Variants in DLG2 observed in about 807,000 individuals in gnomAD.
DLG2 encodes disks large homolog 2.
Under a neutral mutation model 132.5 loss-of-function variants are expected in DLG2, and 45 were observed. The ratio of observed to expected loss-of-function variants is 0.34; its 90% CI spans 0.27 to 0.44. DLG2 has a LOEUF of 0.44. DLG2 is among the 20% of genes least tolerant of loss of function. DLG2 has a pLI of 1.00. For missense variants in DLG2, 1,045 were observed against 1,196.9 expected, an observed-to-expected ratio of 0.87 and a Z score of 1.87; for synonymous variants, 424 against 419.6, an observed-to-expected ratio of 1.01 and a Z score of -0.13.
chr11:83,781,576 A>T (rs2153869850), intron 18 of DLG2, among the ~76,000 whole-genome samples: 1 of 152,256 alleles, frequency 6.6e-6, no homozygotes, highest in Non-Finnish European at 1.5e-5. Context: ...TATCTACCGA[A>T]GTTCCTCATC....
intron 3 of DLG2, among the ~76,000 whole-genome samples, chr11:85,547,493 C>T (rs555731410): frequency 2.6e-5 from 4 of 152,246 alleles, no homozygotes; most frequent in South Asian, 4.1e-4. Context: ...AGTATCTTTG[C>T]GGTGTTCTCT....
At chr11:84,216,008 C>G (rs1285311625) in intron 8 of DLG2, among the ~76,000 whole-genome samples, 1 of 152,106 alleles carries the variant, frequency 6.6e-6, no homozygotes, top group East Asian at 1.9e-4. Flanking sequence ...TAAAAAATAG[C>G]CATTAATTAT....
At chr11:85,293,274 C>T (rs1326935930) in intron 3 of DLG2, among the ~76,000 whole-genome samples, 1 of 151,986 alleles carries the variant, frequency 6.6e-6, no homozygotes, top group African/African-American at 2.4e-5. Context: ...CCAATTAGAA[C>T]AAAATGGGCC....
intron 18 of DLG2, among the ~76,000 whole-genome samples, chr11:83,716,139 C>CA (rs1230025207): frequency 1.3e-5 from 2 of 152,218 alleles, no homozygotes; most frequent in East Asian, 1.9e-4. Flanking sequence ...TTTAAAACTC[C>CA]ATGAGAGTCC....
chr11:84,149,049 C>T (rs2095197758), intron 9 of DLG2, among the ~76,000 whole-genome samples: 1 of 152,016 alleles, frequency 6.6e-6, no homozygotes, highest in African/African-American at 2.4e-5. Context: ...ATACTTTGCC[C>T]ACATTTTAGT....
chr11:84,914,740 T>C (rs1244356366), intron 6 of DLG2, among the ~76,000 whole-genome samples: 1 of 152,216 alleles, frequency 6.6e-6, no homozygotes, highest in African/African-American at 2.4e-5. Context: ...GCATTTATTG[T>C]GGTTTCACCA....
intron 7 of DLG2, among the ~76,000 whole-genome samples, chr11:84,405,744 T>A (rs547052008): frequency 2.6e-4 from 40 of 152,218 alleles, no homozygotes; most frequent in African/African-American, 9.6e-4. Context: ...AGAAGGGGAC[T>A]AGGAATGTGG....
chr11:85,371,154 A>G (rs528514305), intron 3 of DLG2, among the ~76,000 whole-genome samples: 60 of 152,310 alleles, frequency 3.9e-4, no homozygotes, highest in African/African-American at 1.4e-3. Flanking sequence ...AACTTTGGAT[A>G]TTGTGACATT....
intron 6 of DLG2, among the ~76,000 whole-genome samples, chr11:84,812,502 T>C (rs887535855): frequency 6.6e-6 from 1 of 152,136 alleles, no homozygotes. Flanking sequence ...AATGCTCAAA[T>C]TAGTTATGCA....
Position 85,160,475 on chromosome 11 carries a change from C to T in DLG2, c.187-5824G>A, listed in dbSNP as rs2077940692. ...CTCCTTTTGAGAAACAGCTCTTGGC[C>T]TGTTATTGGGCTTTAGTGGAAACTG... On this transcript the variant is annotated intron_variant, in intron 4 of 27. Transcript: ENST00000376104. Among the ~76,000 whole-genome samples, 3 of 152,156 alleles carry T rather than the reference C, an allele frequency of 2.0e-5. No homozygotes were observed. In the South Asian group the frequency reaches 6.2e-4, roughly 32 times the overall value.
chr11:84,207,904 A>G (rs1365857288), intron 8 of DLG2, among the ~76,000 whole-genome samples: 1 of 152,226 alleles, frequency 6.6e-6, no homozygotes, highest in Non-Finnish European at 1.5e-5. Context: ...TGAATATACA[A>G]AACAATTTTC....
intron 3 of DLG2, among the ~76,000 whole-genome samples, chr11:85,315,115 A>G (rs2080568492): frequency 6.6e-6 from 1 of 151,998 alleles, no homozygotes; most frequent in African/African-American, 2.4e-5. Context: ...GTCATAAAAT[A>G]AGATTCCAGC....
intron 4 of DLG2, among the ~76,000 whole-genome samples, chr11:85,191,971 G>T (rs752054612): frequency 2.6e-5 from 4 of 152,036 alleles, no homozygotes; most frequent in Non-Finnish European, 5.9e-5. Context: ...AATACCCTAT[G>T]AAAAATGTAT....
chr11:84,338,584 G>A (rs1041950887), intron 7 of DLG2, among the ~76,000 whole-genome samples: 1 of 152,086 alleles, frequency 6.6e-6, no homozygotes, highest in African/African-American at 2.4e-5. Flanking sequence ...CAGCACTTTG[G>A]GAGGCCAAGG....
At chr11:85,115,413 C>T (rs915060954) in intron 5 of DLG2, among the ~76,000 whole-genome samples, 4 of 151,792 alleles carry the variant, frequency 2.6e-5, no homozygotes, top group Non-Finnish European at 5.9e-5. Context: ...AAGGATATAT[C>T]AAGAGTCAGT....
chr11:83,970,643 A>C (rs1223662796), intron 12 of DLG2, among the ~76,000 whole-genome samples: 1 of 152,190 alleles, frequency 6.6e-6, no homozygotes, highest in Non-Finnish European at 1.5e-5. Context: ...TGTAAGCTTT[A>C]GTTTTGACAT....
chr11:85,388,704 G>C (rs1000754539), intron 3 of DLG2, among the ~76,000 whole-genome samples: 1 of 152,152 alleles, frequency 6.6e-6, no homozygotes, highest in Non-Finnish European at 1.5e-5. Context: ...GTACCAGCCA[G>C]AAGCCTGGTA....
chr11:84,696,171 A>C (rs17147508), intron 6 of DLG2, among the ~76,000 whole-genome samples: 18,218 of 151,562 alleles, frequency 0.12, 1,433 homozygotes, highest in African/African-American at 0.21. Context: ...ATACGCAAGA[A>C]AACATAGGGC....
intron 6 of DLG2, among the ~76,000 whole-genome samples, chr11:85,083,161 C>T: frequency 6.6e-6 from 1 of 152,046 alleles, no homozygotes; most frequent in East Asian, 1.9e-4. Context: ...ATTTGTCTTC[C>T]TTGTTGGGAG....
Sources: gnomAD v4.1 joint callset for allele counts (sites outside exome capture counted in the v4.1 genomes callset) on GRCh38, gnomAD v4.1.1 for gene constraint, MANE v1.5 for transcripts, NCBI Gene and HGNC (gene_info 2026-07-23, HGNC 2026-07-21) for gene names.